The following ADAMTS5 variants were observed in gnomAD, a reference collection of about 807,000 sequenced individuals.
ADAMTS5 encodes the protein ADAM metallopeptidase with thrombospondin type 1 motif 5.
Under a neutral mutation model 81.4 loss-of-function variants are expected in ADAMTS5, and 54 were observed. The observed-to-expected ratio is 0.66, with a 90% CI of 0.53 to 0.83. The LOEUF (loss-of-function observed/expected upper bound fraction) is 0.83. Ranked by LOEUF, ADAMTS5 falls within the 40% of genes least tolerant of loss-of-function variation. The pLI is 0.00. For synonymous variants in ADAMTS5, 532 were observed against 508.8 expected (o/e 1.05, Z -0.61); for missense variants, 1,194 against 1,229.9 (o/e 0.97, Z 0.44).
intron 1 of ADAMTS5, among the ~76,000 whole-genome samples, chr21:26,959,147 A>G (rs748828238): frequency 2.0e-5 from 3 of 152,184 alleles, no homozygotes; most frequent in African/African-American, 4.8e-5. Flanking sequence ...GGAGCAGGGG[A>G]GTAGATGCTT....
intron 3 of ADAMTS5, among the ~76,000 whole-genome samples, chr21:26,939,277 GAAATT>G (rs1172580458): frequency 1.3e-5 from 2 of 152,138 alleles, no homozygotes; most frequent in African/African-American, 2.4e-5. Context: ...TAATGGCAAG[GAAATT>G]AAATTAAAGA....
In ADAMTS5 at chr21:26,965,961, G is replaced by C. The variant is rs1389985146; in HGVS notation, c.431C>G (p.Ala144Gly). The C allele has an allele frequency of 1.2e-6, 2 of 1,613,452 alleles. No individual in the cohort carries two copies. The highest frequency in any genetic ancestry group is 1.7e-6 in the Non-Finnish European group (2 of 1,179,880). The change falls in exon 1 of 8, where the codon GCT becomes GGT. Residue 144 changes from alanine (A) to glycine (G), a missense_variant. Coordinates refer to ENST00000284987, the MANE Select transcript of ADAMTS5 (RefSeq NM_007038.5). ...GTVDGSPRSL[A>G]VFDLCGGLDG... ...GAGACCCCCACAGAGGTCAAAGACA[G>C]CCAGAGAGCGGGGACTACCGTCCAC... is the stretch of plus-strand genomic sequence containing the variant.
At chr21:26,946,968 T>A (rs1000991700) in intron 2 of ADAMTS5, among the ~76,000 whole-genome samples, 1 of 152,096 alleles carries the variant, frequency 6.6e-6, no homozygotes, top group African/African-American at 2.4e-5. Context: ...GGAAGCTCCC[T>A]CACTAAAATA....
chr21:26,931,969 C>T (rs765190493), intron 6 of ADAMTS5, 35 bp downstream of exon 6: 46 of 1,555,008 alleles, frequency 3.0e-5, no homozygotes, highest in South Asian at 1.1e-4. Flanking sequence ...TCCACCAGTA[C>T]GCCTACTGCT....
intron 2 of ADAMTS5, among the ~76,000 whole-genome samples, chr21:26,945,551 T>A (rs1987199627): frequency 6.6e-6 from 1 of 152,170 alleles, no homozygotes; most frequent in Non-Finnish European, 1.5e-5. Flanking sequence ...GGAGGGTAGA[T>A]TTTAGAATTC....
chr21:26,942,592 C>G, intron 3 of ADAMTS5, among the ~76,000 whole-genome samples: 1 of 152,044 alleles, frequency 6.6e-6, no homozygotes, highest in Non-Finnish European at 1.5e-5. Flanking sequence ...CTTTAAAGTA[C>G]TGAAGAATGC....
rs756967793 is a variant in ADAMTS5, at chr21:26,965,955, AAGAC to A, written c.433_436del (p.Val145LeufsTer20). 1.2e-6 allele frequency: 2 copies of A among 1,613,552 alleles called. No homozygotes were observed. The highest frequency in any genetic ancestry group is 4.5e-5 in the East Asian group (2 of 44,842). On this transcript the variant is annotated frameshift_variant, in exon 1 of 8. Transcript: ENST00000284987. LOFTEE classifies it high-confidence loss of function. ...GCCGTCGAGACCCCCACAGAGGTCA[AAGAC>A]AGCCAGAGAGCGGGGACTACCGTCC... is the stretch of plus-strand genomic sequence containing the variant.
In ADAMTS5 at chr21:26,924,588, T is replaced by C; in HGVS notation, c.2258A>G (p.Glu753Gly). The C allele has an allele frequency of 1.9e-6, 3 of 1,613,808 alleles. No individual in the cohort carries two copies. Among genetic ancestry groups the C allele is most frequent in the Non-Finnish European group, 2.5e-6 (3 of 1,179,856 alleles). ...TCGAACTTTTATGTGGGTTGCCCCT[T>C]CAGGAATCCTCACCACGTCAGTGTA... The part of the protein sequence containing the change: ...KGYTDVVRIP[E>G]GATHIKVRQF... The change falls in exon 8 of 8, where the codon GAA becomes GGA. Residue 753 changes from glutamate (E) to glycine (G), a missense_variant. Physicochemically the swap from Glu to Gly is moderately conservative, Grantham distance 98. Transcript: ENST00000284987.
rs560076757 is a variant in ADAMTS5, at chr21:26,921,431, A to G, written c.*2622T>C. On this transcript the variant is annotated 3_prime_UTR_variant, in exon 8 of 8. Transcript: ENST00000284987. Reference sequence around the variant, plus strand: ...AGATTAGATTCTTACAAACCTGAGCATTTTCAGACGAATTCTTTTTTTTTT... The same window carrying G: ...AGATTAGATTCTTACAAACCTGAGCGTTTTCAGACGAATTCTTTTTTTTTT... 1.4e-5 allele frequency: 2 copies of G among 147,508 alleles called. No homozygotes were observed. The highest frequency in any genetic ancestry group is 3.9e-4 in the East Asian group (2 of 5,134). The allele number at this position is 147,508 out of a possible 1,614,324, so 9.1% of individuals were successfully genotyped here.
chr21:26,964,682 C>T (rs994317329), intron 1 of ADAMTS5, among the ~76,000 whole-genome samples: 13 of 152,178 alleles, frequency 8.5e-5, no homozygotes, highest in Non-Finnish European at 1.3e-4. Flanking sequence ...ACATTCCTTC[C>T]TTCCCAGGAA....
intron 7 of ADAMTS5, 98 bp from the exon 8 acceptor site, chr21:26,924,718 T>C (rs1244945239): frequency 1.9e-6 from 2 of 1,043,224 alleles, no homozygotes; most frequent in Non-Finnish European, 2.8e-6. Flanking sequence ...CAAACAGAAG[T>C]TCTCTAAAAA....
rs142018593 is a variant in ADAMTS5 at position 26,961,951 on chromosome 21, AC to A, written c.1104+3336del. ...TAAAGGAGAAATGCCGTGTGGGGAGACCCGGTCCCAGCAATCTAAGGCAGAA... is the reference window on the plus strand; with the variant it reads ...TAAAGGAGAAATGCCGTGTGGGGAGACCGGTCCCAGCAATCTAAGGCAGAA... On this transcript the variant is annotated intron_variant, in intron 1 of 7. Coordinates refer to ENST00000284987, the MANE Select transcript of ADAMTS5 (RefSeq NM_007038.5). 5.5e-4 allele frequency among the ~76,000 whole-genome samples: 83 copies of A among 152,044 alleles called. 3 individuals are homozygous for A. In the East Asian group the frequency reaches 0.015, roughly 28 times the overall value.
At chr21:26,946,429 C>G (rs62215996) in intron 2 of ADAMTS5, among the ~76,000 whole-genome samples, 28,249 of 151,992 alleles carry the variant, frequency 0.19, 3,259 homozygotes, top group Non-Finnish European at 0.25. Flanking sequence ...AATCCAGAAT[C>G]CGGGGAATTT....
chr21:26,961,695 G>A (rs1987532164), intron 1 of ADAMTS5, among the ~76,000 whole-genome samples: 1 of 152,184 alleles, frequency 6.6e-6, no homozygotes, highest in Admixed American at 6.5e-5. Flanking sequence ...TCTGCTACCA[G>A]TCTCCCCACT....
Position 26,965,381 on chromosome 21 carries a change from T to C in ADAMTS5, c.1011A>G (p.Thr337=), listed in dbSNP as rs766070826. ...GCTGCCACTTGCAAAAGTTCTTGAG[T>C]GTGGTGGCAGCGTTCTTGCTCACTT... ...SLEVSKNAAT[T]LKNFCKWQHQ... is the part of the protein sequence containing the mutation. The change falls in exon 1 of 8, where the codon ACA becomes ACG. Residue 337 remains threonine (T), a synonymous_variant. Transcript: ENST00000284987. 8.1e-6 allele frequency: 13 copies of C among 1,614,250 alleles called. No individual in the cohort carries two copies. The highest frequency in any genetic ancestry group is 1.1e-5 in the Non-Finnish European group (13 of 1,180,040).
chr21:26,924,025 T>C lies in ADAMTS5; in HGVS notation c.*28A>G. ...GCATCAGTGCTGAATCCTCCAGTTA[T>C]CTTTGTGCATAAGATCATAACCACA... On this transcript the variant is annotated 3_prime_UTR_variant, in exon 8 of 8. Coordinates refer to ENST00000284987, the MANE Select transcript of ADAMTS5 (RefSeq NM_007038.5). 6.4e-7 allele frequency: 1 copy of C among 1,559,526 alleles called. No individual in the cohort carries two copies. Among genetic ancestry groups the C allele is most frequent in the Non-Finnish European group, 8.7e-7 (1 of 1,147,896 alleles).
At chr21:26,935,190 T>C (rs1986991478) in intron 3 of ADAMTS5, among the ~76,000 whole-genome samples, 1 of 152,170 alleles carries the variant, frequency 6.6e-6, no homozygotes, top group Non-Finnish European at 1.5e-5. Context: ...TCTATCTGTA[T>C]AACCCATTAC....
chr21:26,965,922 G>A lies in ADAMTS5; in HGVS notation c.470C>T (p.Ala157Val). The A allele has an allele frequency of 6.2e-7, 1 of 1,613,860 alleles. No homozygotes were observed. The highest frequency in any genetic ancestry group is 8.5e-7 in the Non-Finnish European group (1 of 1,179,966). The change falls in exon 1 of 8, where the codon GCG becomes GTG. Residue 157 changes from alanine (A) to valine (V), a missense_variant. Around this residue, in one of 2 missense-constraint regions of ADAMTS5, gnomAD observed 498 missense variants for 412.3 expected, o/e 1.21. Transcript: ENST00000284987. Reference sequence around the variant, plus strand: ...TAGGGTGTAGCGCGCGTGCTTGACCGCGAAGAAGCCGTCGAGACCCCCACA... The same window carrying A: ...TAGGGTGTAGCGCGCGTGCTTGACCACGAAGAAGCCGTCGAGACCCCCACA... Reference protein sequence around the residue: ...DLCGGLDGFFAVKHARYTLKP... With the variant: ...DLCGGLDGFFVVKHARYTLKP...
intron 2 of ADAMTS5, among the ~76,000 whole-genome samples, chr21:26,946,138 G>A (rs903045841): frequency 6.6e-6 from 1 of 152,180 alleles, no homozygotes; most frequent in Non-Finnish European, 1.5e-5. Context: ...AGAGAACCGC[G>A]TGACTTCCCT....
Sources: allele counts gnomAD v4.1 joint callset (sites outside exome capture counted in the v4.1 genomes callset), GRCh38; gene constraint gnomAD v4.1.1; regional missense constraint gnomAD v4.1.1; transcripts MANE v1.5; gene names NCBI Gene and HGNC (gene_info 2026-07-23, HGNC 2026-07-21).